SV2B: variants seen among roughly 807,000 people sequenced by gnomAD.
SV2B encodes solute carrier family 22 member B2.
SV2B carries 41 observed loss-of-function variants against 73.9 expected under a neutral mutation model. The observed-to-expected ratio is 0.56, with a 90% CI of 0.43 to 0.72. The LOEUF (loss-of-function observed/expected upper bound fraction) is 0.72, where lower values mean the gene tolerates loss of function less well. SV2B is among the 30% of genes least tolerant of loss of function. The pLI, the probability that SV2B is intolerant of heterozygous loss-of-function variation, is 0.00. For missense variants in SV2B, 764 were observed against 857.8 expected (o/e 0.89, Z 1.37); for synonymous variants, 314 against 314.2 (o/e 1.00, Z 0.01).
chr15:91,190,139 C>CT (rs1178384653), intron 1 of SV2B, among the ~76,000 whole-genome samples: 1 of 151,604 alleles, frequency 6.6e-6, no homozygotes, highest in East Asian at 1.9e-4. Flanking sequence ...TATTATTATA[C>CT]TTTAAGTTTT....
chr15:91,145,550 T>C (rs1875688056), intron 1 of SV2B, among the ~76,000 whole-genome samples: 1 of 152,220 alleles, frequency 6.6e-6, no homozygotes, highest in South Asian at 2.1e-4. Context: ...TTTTAGGTCT[T>C]TGAGGAATTG....
chr15:91,111,256 C>A (rs887084251), intron 1 of SV2B, among the ~76,000 whole-genome samples: 2 of 152,182 alleles, frequency 1.3e-5, no homozygotes, highest in African/African-American at 4.8e-5. Flanking sequence ...TTACTTTCAG[C>A]CCATTTCTTT....
rs2041686451 is a variant in SV2B at position 91,100,321 on chromosome 15, C to T, written c.-434C>T. ...CGGGGCTGCCGGGGCGGACGCTGCT[C>T]TGCCTGCATCCGGAGGCGGCCGCCA... On this transcript the variant is annotated 5_prime_UTR_variant, in exon 1 of 13. Coordinates refer to ENST00000394232, the MANE Select transcript of SV2B (RefSeq NM_001323032.3). This position sits in a 1 kb window ranked among gnomAD's most constrained non-coding sequence, Gnocchi z 6.4. 1.3e-5 allele frequency: 2 copies of T among 152,274 alleles called. No individual in the cohort carries two copies. The highest frequency in any genetic ancestry group is 2.4e-5 in the African/African-American group (1 of 41,468). 9.4% of individuals were successfully genotyped at this position (152,274 alleles called of 1,614,324 possible). A position where few individuals can be genotyped will look rare whatever the true frequency, so the allele number is the denominator to read the frequency against.
At position 91,297,916 on chromosome 15, in the gene SV2B, G is replaced by T. The variant is rs2049307728; in HGVS notation, c.*5364G>T. The T allele has an allele frequency of 6.6e-6, 1 of 152,302 alleles. No homozygotes were observed. Among genetic ancestry groups the T allele is most frequent in the African/African-American group, 2.4e-5 (1 of 41,444 alleles). The allele number at this position is 152,302 out of a possible 1,614,324, so 9.4% of individuals were successfully genotyped here. On this transcript the variant is annotated 3_prime_UTR_variant, in exon 13 of 13. Coordinates refer to ENST00000394232, the MANE Select transcript of SV2B (RefSeq NM_001323032.3). This position sits in a 1 kb window ranked among gnomAD's most constrained non-coding sequence, Gnocchi z 5.1. Reference sequence around the variant, plus strand: ...CAGAGGTTGAACCCTTTCCCCTGGGGGTTGGTGATCTTTGTTTTGGCCATT... The same window carrying T: ...CAGAGGTTGAACCCTTTCCCCTGGGTGTTGGTGATCTTTGTTTTGGCCATT...
At chr15:91,172,968 C>T (rs971778956) in intron 1 of SV2B, among the ~76,000 whole-genome samples, 6 of 150,958 alleles carry the variant, frequency 4.0e-5, no homozygotes, top group African/African-American at 7.3e-5. Flanking sequence ...ACAATACACA[C>T]GTGGATAAAT....
chr15:91,100,173 C>G (rs2041680537), upstream of SV2B: 1 of 151,948 alleles, frequency 6.6e-6, no homozygotes, highest in Admixed American at 6.6e-5. The surrounding 1 kb of genome is among the most constrained non-coding windows in gnomAD (Gnocchi z 6.4). Context: ...AGCGCGGGGG[C>G]GCGCTGCGCG....
intron 1 of SV2B, among the ~76,000 whole-genome samples, chr15:91,176,040 TC>T (rs1469099367): frequency 6.6e-6 from 1 of 150,490 alleles, no homozygotes; most frequent in Non-Finnish European, 1.5e-5. Context: ...CCCTCCCCCT[TC>T]CCCCCACCCC....
Position 91,260,372 on chromosome 15 carries a change from A to G in SV2B, c.971A>G (p.Asn324Ser). Residue 324 changes from asparagine to serine, a missense_variant, in exon 6 of 13, where the codon AAC becomes AGC. Transcript: ENST00000394232. ...WMILKQVHDT[N>S]MRAKGTPEKV... The stretch of plus-strand genomic sequence containing the variant: ...ATTCTCAAGCAAGTCCATGACACCA[A>G]CATGAGAGCTAAGGGGACCCCAGAG... 1 of 1,613,694 alleles carries G rather than the reference A, an allele frequency of 6.2e-7. No individual in the cohort carries two copies. The highest frequency in any genetic ancestry group is 1.3e-5 in the African/African-American group (1 of 75,030).
In SV2B at chr15:91,104,593, G is replaced by GCAAT. The variant is rs375748424; in HGVS notation, c.-392+4248_-392+4251dup. 2.9e-3 allele frequency among the ~76,000 whole-genome samples: 448 copies of GCAAT among 152,264 alleles called. 2 individuals are homozygous for GCAAT. The highest frequency in any genetic ancestry group is 9.2e-3 in the African/African-American group (384 of 41,530). ...GGGAGGGGAAGAATTGAGACATTTT[G>GCAAT]CAATCAATCAATCAATCAATCTACC... On this transcript the variant is annotated intron_variant, in intron 1 of 12. Coordinates refer to ENST00000394232, the MANE Select transcript of SV2B (RefSeq NM_001323032.3).
At chr15:91,205,015 C>A (rs527629746) in intron 1 of SV2B, among the ~76,000 whole-genome samples, 2 of 152,298 alleles carry the variant, frequency 1.3e-5, no homozygotes, top group African/African-American at 4.8e-5. Flanking sequence ...GAAGCCTGAG[C>A]TGCTGTTTTT....
intron 11 of SV2B, among the ~76,000 whole-genome samples, chr15:91,285,807 G>T (rs2048841482): frequency 2.0e-5 from 3 of 152,092 alleles, no homozygotes; most frequent in Non-Finnish European, 4.4e-5. Flanking sequence ...TAAGGCTGGG[G>T]TGGGTGCCCA....
chr15:91,267,617 C>T lies in SV2B; in HGVS notation c.1182C>T (p.Ala394=), dbSNP rs139319890. The change falls in exon 8 of 13, where the codon GCC becomes GCT. Residue 394 remains alanine (A), a synonymous_variant. Coordinates refer to ENST00000394232, the MANE Select transcript of SV2B (RefSeq NM_001323032.3). This position sits in a 1 kb window ranked among gnomAD's most constrained non-coding sequence, Gnocchi z 4.3. The part of the protein sequence containing the change: ...GPYRMNTLIL[A]VVWFAMAFSY... Reference sequence around the variant, plus strand: ...ACAGAATGAATACACTGATTCTGGCCGTGGTTTGGTTTGCCATGGCATTCA... The same window carrying T: ...ACAGAATGAATACACTGATTCTGGCTGTGGTTTGGTTTGCCATGGCATTCA... The T allele has an allele frequency of 6.8e-6, 11 of 1,612,892 alleles. No homozygotes were observed. Among genetic ancestry groups the T allele is most frequent in the South Asian group, 3.3e-5 (3 of 90,694 alleles).
chr15:91,208,886 T>C (rs956531496), intron 1 of SV2B, among the ~76,000 whole-genome samples: 1 of 152,202 alleles, frequency 6.6e-6, no homozygotes, highest in Non-Finnish European at 1.5e-5. Context: ...ACAGTTTAAA[T>C]GATGCCACAA....
At position 91,284,166 on chromosome 15, in the gene SV2B, C is replaced by T. The variant is rs111640061; in HGVS notation, c.1653C>T (p.Pro551=). 3.8e-5 allele frequency: 61 copies of T among 1,614,170 alleles called. 1 individual carries two copies. Among genetic ancestry groups the T allele is most frequent in the African/African-American group, 8.0e-5 (6 of 75,022 alleles). Residue 551 remains proline (P), a synonymous_variant, in exon 11 of 13, where the codon CCC becomes CCT. Transcript: ENST00000394232. This position sits in a 1 kb window ranked among gnomAD's most constrained non-coding sequence, Gnocchi z 4.5. Reference sequence around the variant, plus strand: ...TCCTGGGCAGCCTGTCTGTCTTACCCGGGAACATCATTTCTGCCCTGCTCA... The same window carrying T: ...TCCTGGGCAGCCTGTCTGTCTTACCTGGGAACATCATTTCTGCCCTGCTCA... ...VSFLGSLSVL[P]GNIISALLMD... is the part of the protein sequence containing the mutation.
intron 1 of SV2B, among the ~76,000 whole-genome samples, chr15:91,206,777 A>G (rs1178894014): frequency 6.6e-6 from 1 of 152,182 alleles, no homozygotes; most frequent in Non-Finnish European, 1.5e-5. Flanking sequence ...ACTTGATTAT[A>G]TTATATGACA....
chr15:91,195,019 G>T (rs191180217), intron 1 of SV2B, among the ~76,000 whole-genome samples: 19 of 152,126 alleles, frequency 1.2e-4, no homozygotes, highest in Non-Finnish European at 2.2e-4. Flanking sequence ...GGCCCACAGT[G>T]GATATATAGC....
At position 91,268,690 on chromosome 15, in the gene SV2B, A is replaced by G. The variant is rs1443083600; in HGVS notation, c.1373+85A>G. On this transcript the variant is annotated intron_variant, in intron 9 of 12. Coordinates refer to ENST00000394232, the MANE Select transcript of SV2B (RefSeq NM_001323032.3). The surrounding 1 kb of genome is among the most constrained non-coding windows in gnomAD (Gnocchi z 4.4). ...GGGAGGGAGCCGGAGGGAAGATAAG[A>G]ATCAAATATGGCCGGGAATGAGCGC... 1 of 1,518,100 alleles carries G rather than the reference A, an allele frequency of 6.6e-7. No individual in the cohort carries two copies. The highest frequency in any genetic ancestry group is 2.3e-5 in the East Asian group (1 of 43,598). 94.0% of individuals were successfully genotyped at this position (1,518,100 alleles called of 1,614,324 possible). A position where few individuals can be genotyped will look rare whatever the true frequency, so the allele number is the denominator to read the frequency against.
At chr15:91,285,282 G>T (rs985195869) in intron 11 of SV2B, among the ~76,000 whole-genome samples, 5 of 152,180 alleles carry the variant, frequency 3.3e-5, no homozygotes, top group Non-Finnish European at 5.9e-5. Flanking sequence ...TGTGGTGAGG[G>T]TGGAGTCATC....
At position 91,241,843 on chromosome 15, in the gene SV2B, A is replaced by G. The variant is rs2047029134; in HGVS notation, c.452-9976A>G. 6.6e-6 allele frequency among the ~76,000 whole-genome samples: 1 copy of G among 152,100 alleles called. No individual in the cohort carries two copies. The highest frequency in any genetic ancestry group is 6.5e-5 in the Admixed American group (1 of 15,268). ...GGAATCATTCCCACCAGCACACTAC[A>G]CATTTCTTCAGTCTTGATCCCACAC... On this transcript the variant is annotated intron_variant, in intron 2 of 12. Coordinates refer to ENST00000394232, the MANE Select transcript of SV2B (RefSeq NM_001323032.3). This position sits in a 1 kb window ranked among gnomAD's most constrained non-coding sequence, Gnocchi z 4.8.
Sources: gnomAD v4.1 joint callset for allele counts (sites outside exome capture counted in the v4.1 genomes callset) on GRCh38, gnomAD v4.1.1 for gene constraint, Gnocchi (gnomAD v3.1) non-coding constraint, MANE v1.5 for transcripts, NCBI Gene and HGNC (gene_info 2026-07-23, HGNC 2026-07-21) for gene names.